Variants in CPED1 observed in about 807,000 individuals in gnomAD.
The protein encoded by CPED1 is cadherin like and PC-esterase domain containing 1.
In CPED1, 114 loss-of-function variants were observed where a neutral mutation model predicts 128.2. The ratio of observed to expected loss-of-function variants is 0.89; its 90% confidence interval spans 0.76 to 1.04. CPED1 has a LOEUF of 1.04. Ranked by LOEUF, CPED1 falls within the 50% of genes least tolerant of loss-of-function variation. CPED1 has a pLI of 0.00. For synonymous variants in CPED1, 462 were observed against 426.7 expected (o/e 1.08, Z -1.02); for missense variants, 1,211 against 1,207.1 (o/e 1.00, Z -0.05).
chr7:121,026,194 C>G (rs369299175), intron 3 of CPED1, among the ~76,000 whole-genome samples: 93 of 152,038 alleles, frequency 6.1e-4, no homozygotes, highest in Middle Eastern at 3.4e-3. Context: ...AAAAAACAAA[C>G]AAAAAAACAA....
intron 7 of CPED1, among the ~76,000 whole-genome samples, chr7:121,113,621 G>A (rs1237443319): frequency 2.0e-5 from 3 of 152,084 alleles, no homozygotes. Context: ...TAAGAGAAGG[G>A]AGAATCCTAG....
rs907603412 is a variant in CPED1, at chr7:121,128,241, T to C, written c.1303-141T>C. The C allele has an allele frequency of 5.2e-6, 3 of 574,168 alleles. No homozygotes were observed. The African/African-American group carries it at 5.6e-5, about 11-fold the overall frequency. The allele number at this position is 574,168 out of a possible 1,614,324, so 35.6% of individuals were successfully genotyped here. A position where few individuals can be genotyped will look rare whatever the true frequency, so the allele number is the denominator to read the frequency against. On this transcript the variant is annotated intron_variant, in intron 10 of 22. Coordinates refer to ENST00000310396, the MANE Select transcript of CPED1 (RefSeq NM_024913.5). ...AGACACCACTGTGACAAGTTGAAGTTGCTATGTATTATTTAACATTAATTA... is the reference window on the plus strand; with the variant it reads ...AGACACCACTGTGACAAGTTGAAGTCGCTATGTATTATTTAACATTAATTA...
At chr7:121,015,938 T>G in intron 3 of CPED1, 90 bp downstream of exon 3, 2 of 986,496 alleles carry the variant, frequency 2.0e-6, no homozygotes, top group Non-Finnish European at 2.7e-6. Context: ...TCTAAAAAAA[T>G]TTATAAAAAC....
At chr7:121,279,136 G>T (rs996804564) in intron 22 of CPED1, among the ~76,000 whole-genome samples, 1 of 152,026 alleles carries the variant, frequency 6.6e-6, no homozygotes, top group African/African-American at 2.4e-5. Flanking sequence ...CACCTTATGG[G>T]TTCTCAGATA....
intron 21 of CPED1, among the ~76,000 whole-genome samples, chr7:121,267,687 T>C (rs1792156880): frequency 6.6e-6 from 1 of 151,966 alleles, no homozygotes; most frequent in Admixed American, 6.6e-5. Context: ...CCAGTTCTTA[T>C]AGAAGATAGT....
At chr7:121,285,825 C>T (rs1369840743) in intron 22 of CPED1, among the ~76,000 whole-genome samples, 1 of 152,148 alleles carries the variant, frequency 6.6e-6, no homozygotes, top group African/African-American at 2.4e-5. Context: ...AAACATTTTC[C>T]TGTCTTCTTC....
intron 22 of CPED1, among the ~76,000 whole-genome samples, chr7:121,294,523 C>A (rs181491197): frequency 2.6e-5 from 4 of 152,148 alleles, no homozygotes; most frequent in Admixed American, 2.6e-4. Flanking sequence ...GTCTGTGTCT[C>A]AGGTGGCAGC....
chr7:121,199,865 A>T (rs1220436382), intron 16 of CPED1, among the ~76,000 whole-genome samples: 5 of 152,278 alleles, frequency 3.3e-5, no homozygotes, highest in African/African-American at 1.2e-4. Context: ...AATTTAAAAA[A>T]TATGTTATTG....
intron 3 of CPED1, among the ~76,000 whole-genome samples, chr7:121,030,090 A>G (rs1792691198): frequency 6.6e-6 from 1 of 152,176 alleles, no homozygotes; most frequent in Non-Finnish European, 1.5e-5. Context: ...TTCCAGAGAT[A>G]ACATGGTTAA....
chr7:121,150,752 C>CATTATT (rs10617585), intron 16 of CPED1, among the ~76,000 whole-genome samples: 20 of 116,438 alleles, frequency 1.7e-4, no homozygotes, highest in African/African-American at 5.0e-4. Context: ...GAGTCTAAAA[C>CATTATT]ATTATTATTA....
intron 16 of CPED1, among the ~76,000 whole-genome samples, chr7:121,220,377 C>A (rs1273815298): frequency 4.6e-5 from 7 of 152,000 alleles, no homozygotes. Context: ...ATTTGCTTAA[C>A]TCACTCTTAT....
intron 5 of CPED1, among the ~76,000 whole-genome samples, chr7:121,082,061 TC>T (rs1794308459): frequency 6.6e-6 from 1 of 152,186 alleles, no homozygotes; most frequent in African/African-American, 2.4e-5. Flanking sequence ...ATGGCAGAAA[TC>T]AGGAATCCTA....
intron 3 of CPED1, among the ~76,000 whole-genome samples, chr7:121,034,662 CA>C (rs1366943823): frequency 1.3e-5 from 2 of 152,118 alleles, no homozygotes; most frequent in East Asian, 3.9e-4. Context: ...GGGAGCATTA[CA>C]AAGGTAAGAC....
intron 18 of CPED1, among the ~76,000 whole-genome samples, chr7:121,253,599 T>C (rs571411656): frequency 1.3e-5 from 2 of 152,060 alleles, no homozygotes; most frequent in Admixed American, 1.3e-4. Context: ...TAAATGTAAA[T>C]GGGCTAAATG....
chr7:121,265,589 T>C (rs943523922), intron 18 of CPED1, among the ~76,000 whole-genome samples: 1 of 152,030 alleles, frequency 6.6e-6, no homozygotes, highest in Non-Finnish European at 1.5e-5. Context: ...AGACAGCCAT[T>C]GTACAGGAAG....
chr7:121,226,104 C>T (rs1798003771), intron 16 of CPED1, among the ~76,000 whole-genome samples: 1 of 152,064 alleles, frequency 6.6e-6, no homozygotes, highest in Non-Finnish European at 1.5e-5. Context: ...GGGTTTTCCC[C>T]ATCGTTATGG....
intron 5 of CPED1, among the ~76,000 whole-genome samples, chr7:121,080,965 T>A (rs1794277776): frequency 6.6e-6 from 1 of 152,190 alleles, no homozygotes; most frequent in Non-Finnish European, 1.5e-5. Context: ...ATTTCTGATT[T>A]GCAACATATC....
At chr7:121,213,995 C>G (rs1797702756) in intron 16 of CPED1, among the ~76,000 whole-genome samples, 1 of 152,008 alleles carries the variant, frequency 6.6e-6, no homozygotes, top group Non-Finnish European at 1.5e-5. Context: ...TTATTCTTCT[C>G]TAGTGTGTGA....
At chr7:121,206,965 TAC>T in intron 16 of CPED1, among the ~76,000 whole-genome samples, 1 of 152,156 alleles carries the variant, frequency 6.6e-6, no homozygotes, top group Admixed American at 6.6e-5. Context: ...CACACCTGCA[TAC>T]ATTTGTATTT....
Sources: gnomAD v4.1 joint callset for allele counts (sites outside exome capture counted in the v4.1 genomes callset) on GRCh38, gnomAD v4.1.1 for gene constraint, MANE v1.5 for transcripts, NCBI Gene and HGNC (gene_info 2026-07-23, HGNC 2026-07-21) for gene names.